The following SH3RF2 variants were observed in gnomAD, a reference collection of about 807,000 sequenced individuals.
SH3RF2 encodes the protein SH3 domain containing ring finger 2.
SH3RF2 carries 43 observed loss-of-function variants against 59.0 expected under a neutral mutation model. The observed-to-expected ratio is 0.73, with a 90% CI of 0.57 to 0.94. The LOEUF (loss-of-function observed/expected upper bound fraction) is 0.94, where lower values mean the gene tolerates loss of function less well. Ranked by LOEUF, SH3RF2 falls within the 40% of genes least tolerant of loss-of-function variation. The pLI, the probability that SH3RF2 is intolerant of heterozygous loss-of-function variation, is 0.00. For missense variants in SH3RF2, 930 were observed against 940.1 expected, an observed-to-expected ratio of 0.99 and a Z score of 0.14; for synonymous variants, 391 against 391.5, an observed-to-expected ratio of 1.00 and a Z score of 0.01.
intron 1 of SH3RF2, among the ~76,000 whole-genome samples, chr5:145,937,389 A>G (rs954413745): frequency 1.3e-5 from 2 of 152,230 alleles, no homozygotes; most frequent in Non-Finnish European, 2.9e-5. Flanking sequence ...TGGTGCAGAT[A>G]ATAGATACAT....
rs1760532476 is a variant in SH3RF2, at chr5:146,004,044, AC to A, written c.649-13del. 1 of 1,609,248 alleles carries A rather than the reference AC, an allele frequency of 6.2e-7. No individual in the cohort carries two copies. Among genetic ancestry groups the A allele is most frequent in the African/African-American group, 1.3e-5 (1 of 74,768 alleles). On this transcript the variant is annotated splice_polypyrimidine_tract_variant and intron_variant, in intron 3 of 9. Transcript: ENST00000359120. ...AATGAGAGTAAATGCTGACCATGAG[AC>A]TTTCTCTTTCAGGACGATATCATCA...
At chr5:145,999,449 C>T (rs1431024926) in intron 2 of SH3RF2, among the ~76,000 whole-genome samples, 1 of 152,112 alleles carries the variant, frequency 6.6e-6, no homozygotes, top group Non-Finnish European at 1.5e-5. Flanking sequence ...CACAAGAGGC[C>T]TAGCTTTTGG....
rs1447160665 is a variant in SH3RF2, at chr5:145,960,609, T to C, written c.378+22303T>C. Among the ~76,000 whole-genome samples the C allele has an allele frequency of 2.6e-5, 4 of 152,208 alleles. No individual in the cohort carries two copies. In the East Asian group the frequency reaches 7.7e-4, roughly 29 times the overall value. ...CCCTGGTTTCCTAGTGTCTGAAATA[T>C]TTCTTCCCTGAACTTTTGTTTAAAA... is the stretch of plus-strand genomic sequence containing the variant. On this transcript the variant is annotated intron_variant, in intron 2 of 9. Transcript: ENST00000359120.
chr5:146,077,066 A>G (rs537711398), intron 9 of SH3RF2, among the ~76,000 whole-genome samples: 11 of 152,208 alleles, frequency 7.2e-5, no homozygotes, highest in South Asian at 4.1e-4. Flanking sequence ...TCATCCTTTT[A>G]GCTTTCTCCT....
intron 2 of SH3RF2, among the ~76,000 whole-genome samples, chr5:145,956,520 C>G (rs1284457758): frequency 6.6e-6 from 1 of 152,190 alleles, no homozygotes; most frequent in East Asian, 1.9e-4. Flanking sequence ...AAGTGATCCA[C>G]CTGCCTCAGC....
At chr5:145,997,469 G>T in intron 2 of SH3RF2, 1 of 1,549,132 alleles carries the variant, frequency 6.5e-7, no homozygotes, top group Non-Finnish European at 8.9e-7. Context: ...TGAAAAATGG[G>T]ATAATGGATA....
chr5:145,984,325 G>T (rs555349855), intron 2 of SH3RF2, among the ~76,000 whole-genome samples: 1 of 152,314 alleles, frequency 6.6e-6, no homozygotes, highest in South Asian at 2.1e-4. Flanking sequence ...GATAGGGGAA[G>T]TATAGGGTGC....
At chr5:145,963,270 GGATGGATGGATGGATGGATT>G (rs1758706797) in intron 2 of SH3RF2, among the ~76,000 whole-genome samples, 1 of 150,696 alleles carries the variant, frequency 6.6e-6, no homozygotes, top group African/African-American at 2.5e-5. Flanking sequence ...ATGGATGGAT[GGATGGATGGATGGATGGATT>G]AATAACTATA....
chr5:146,064,811 A>AG (rs1491122347), downstream of SH3RF2, among the ~76,000 whole-genome samples: 3 of 14,002 alleles, frequency 2.1e-4, no homozygotes, highest in African/African-American at 4.5e-4. Flanking sequence ...AAGGAAGGAA[A>AG]GAAAGAAAGA....
Position 146,047,815 on chromosome 5 carries a change from C to T in SH3RF2, c.1103C>T (p.Thr368Ile). 2.5e-6 allele frequency: 4 copies of T among 1,614,130 alleles called. No homozygotes were observed. The highest frequency in any genetic ancestry group is 3.4e-6 in the Non-Finnish European group (4 of 1,180,022). ...HPAPVSPGHSTAVVSLPGSQQ... is the reference protein window; with the variant it reads ...HPAPVSPGHSIAVVSLPGSQQ... The stretch of plus-strand genomic sequence containing the variant: ...GCACCTGTCTCTCCAGGACATTCCA[C>T]AGCCGTGGTCAGTCTGCCTGGCTCC... The change falls in exon 6 of 10, where the codon ACA becomes ATA. Residue 368 changes from threonine (T) to isoleucine (I), a missense_variant. By Grantham distance (89) the Thr-to-Ile change is moderately conservative (BLOSUM62 -1). Transcript: ENST00000359120.
intron 5 of SH3RF2, among the ~76,000 whole-genome samples, chr5:146,039,099 T>C (rs1041593980): frequency 1.2e-4 from 19 of 152,092 alleles, no homozygotes; most frequent in African/African-American, 4.3e-4. Context: ...TGGGTATCCA[T>C]GAGGAAAAAG....
intron 9 of SH3RF2, among the ~76,000 whole-genome samples, chr5:146,068,894 A>G (rs1431446930): frequency 6.6e-6 from 1 of 152,220 alleles, no homozygotes; most frequent in Admixed American, 6.5e-5. Context: ...TCATAAAAAT[A>G]ATCATATACC....
At position 145,949,438 on chromosome 5, in the gene SH3RF2, A is replaced by C. The variant is rs564697734; in HGVS notation, c.378+11132A>C. ...AAGGTGTTCGTCTGTGATATTAACG[A>C]GCTGCCTGGATATGAGAAAGGCAAA... On this transcript the variant is annotated intron_variant, in intron 2 of 9. Coordinates refer to ENST00000359120, the MANE Select transcript of SH3RF2 (RefSeq NM_152550.4). 4.3e-4 allele frequency among the ~76,000 whole-genome samples: 66 copies of C among 152,340 alleles called. 1 individual carries two copies. The South Asian group carries it at 0.012, about 27-fold the overall frequency.
intron 5 of SH3RF2, among the ~76,000 whole-genome samples, chr5:146,022,590 C>T (rs985515196): frequency 6.6e-6 from 1 of 152,046 alleles, no homozygotes; most frequent in Admixed American, 6.6e-5. Flanking sequence ...AAATGAACAA[C>T]AGGCCAGGCA....
intron 8 of SH3RF2, among the ~76,000 whole-genome samples, chr5:146,059,512 C>G (rs1762804172): frequency 1.3e-5 from 2 of 152,064 alleles, no homozygotes; most frequent in Admixed American, 1.3e-4. Flanking sequence ...GGTCTGACTG[C>G]CTCTGTGTCT....
chr5:145,964,808 A>G (rs1023150181), intron 2 of SH3RF2, among the ~76,000 whole-genome samples: 1 of 152,026 alleles, frequency 6.6e-6, no homozygotes, highest in African/African-American at 2.4e-5. Flanking sequence ...GCAGAAAATC[A>G]TTTTCTCATA....
chr5:146,058,531 G>A (rs1174835112), intron 8 of SH3RF2, among the ~76,000 whole-genome samples: 3 of 152,198 alleles, frequency 2.0e-5, no homozygotes, highest in Non-Finnish European at 2.9e-5. Context: ...TACACATCTG[G>A]CTTAATAAGA....
downstream of SH3RF2, among the ~76,000 whole-genome samples, chr5:146,065,525 G>A (rs547324468): frequency 4.3e-4 from 65 of 152,304 alleles, no homozygotes; most frequent in African/African-American, 1.5e-3. Context: ...AGGGTGCTTA[G>A]ATGGAATGGA....
chr5:145,979,294 G>A (rs1580805131), intron 2 of SH3RF2, among the ~76,000 whole-genome samples: 1 of 152,320 alleles, frequency 6.6e-6, no homozygotes, highest in African/African-American at 2.4e-5. Context: ...AGCCCTCCAA[G>A]TGATTCCAAT....
Sources: allele counts gnomAD v4.1 joint callset (sites outside exome capture counted in the v4.1 genomes callset), GRCh38; gene constraint gnomAD v4.1.1; transcripts MANE v1.5; gene names NCBI Gene and HGNC (gene_info 2026-07-23, HGNC 2026-07-21).